NKAIN3: variants seen among roughly 807,000 people sequenced by gnomAD.
NKAIN3 encodes sodium/potassium transporting ATPase interacting 3, also known as sodium/potassium-transporting ATPase subunit beta-1-interacting protein 3.
A neutral mutation model predicts 30.2 loss-of-function variants in NKAIN3; 25 were observed. The observed-to-expected ratio is 0.83, with a 90% confidence interval of 0.60 to 1.16. The LOEUF (loss-of-function observed/expected upper bound fraction) is 1.16, where lower values mean the gene tolerates loss of function less well. Among genes scored for constraint, NKAIN3 ranks in the 50% most tolerant of loss-of-function variants. The pLI is 0.00. For missense variants in NKAIN3, 225 were observed against 254.1 expected (o/e 0.89, Z 0.78); for synonymous variants, 91 against 89.6 (o/e 1.02, Z -0.09).
chr8:62,540,417 A>G (rs1486585804), intron 1 of NKAIN3, among the ~76,000 whole-genome samples: 1 of 152,224 alleles, frequency 6.6e-6, no homozygotes, highest in African/African-American at 2.4e-5. Context: ...TTACATAACT[A>G]TGTAAGAACT....
At chr8:62,873,205 A>G (rs1586296238) in intron 4 of NKAIN3, among the ~76,000 whole-genome samples, 1 of 152,278 alleles carries the variant, frequency 6.6e-6, no homozygotes, top group Non-Finnish European at 1.5e-5. Context: ...CTGACAAAAC[A>G]GACTTTAAAT....
At chr8:62,500,508 GGAAA>G (rs1359354696) in intron 1 of NKAIN3, among the ~76,000 whole-genome samples, 108 of 147,320 alleles carry the variant, frequency 7.3e-4, no homozygotes, top group African/African-American at 2.4e-3. Context: ...AAAGAAAGAA[GGAAA>G]GAAAGAAAGA....
chr8:62,778,694 C>T (rs1462478628), intron 4 of NKAIN3, among the ~76,000 whole-genome samples: 2 of 151,950 alleles, frequency 1.3e-5, no homozygotes, highest in Non-Finnish European at 2.9e-5. Flanking sequence ...CCACTTTTTG[C>T]TTTATTCCAC....
At chr8:62,855,520 T>G (rs1246176291) in intron 4 of NKAIN3, 9 of 1,435,368 alleles carry the variant, frequency 6.3e-6, no homozygotes, top group Non-Finnish European at 8.8e-6. Context: ...TGTAATCTGG[T>G]GGGTAAACAA....
chr8:62,922,392 G>A (rs911713679), intron 5 of NKAIN3, among the ~76,000 whole-genome samples: 44 of 152,022 alleles, frequency 2.9e-4, no homozygotes, highest in Non-Finnish European at 5.4e-4. Flanking sequence ...TGAAAGAAGC[G>A]AATGTGGTAG....
chr8:62,548,455 A>C (rs1699021863), intron 1 of NKAIN3, among the ~76,000 whole-genome samples: 1 of 152,208 alleles, frequency 6.6e-6, no homozygotes, highest in Middle Eastern at 3.4e-3. Flanking sequence ...TTACAGAGCC[A>C]CGGCTCCCCC....
At chr8:62,823,469 T>C (rs1017437142) in intron 4 of NKAIN3, among the ~76,000 whole-genome samples, 2 of 152,174 alleles carry the variant, frequency 1.3e-5, no homozygotes, top group Non-Finnish European at 2.9e-5. Context: ...TGAAGACTGA[T>C]AGCAAAGTCA....
chr8:62,353,876 C>T (rs1816262462), intron 1 of NKAIN3, among the ~76,000 whole-genome samples: 1 of 152,114 alleles, frequency 6.6e-6, no homozygotes, highest in Non-Finnish European at 1.5e-5. Context: ...TAAGATTTCA[C>T]AGGCATGATG....
intron 3 of NKAIN3, among the ~76,000 whole-genome samples, chr8:62,646,092 A>C (rs75841736): frequency 0.041 from 6,247 of 151,206 alleles, 217 homozygotes; most frequent in African/African-American, 0.093. Context: ...ATTATATATC[A>C]TAGATGCAAT....
chr8:62,557,714 G>C (rs1195680986), intron 1 of NKAIN3, among the ~76,000 whole-genome samples: 2 of 151,830 alleles, frequency 1.3e-5, no homozygotes, highest in African/African-American at 4.8e-5. Context: ...TCTTTTGTGG[G>C]TTGTCTATTC....
chr8:62,310,508 A>G (rs1477758849), intron 1 of NKAIN3, among the ~76,000 whole-genome samples: 1 of 150,628 alleles, frequency 6.6e-6, no homozygotes, highest in Non-Finnish European at 1.5e-5. Context: ...ACTTTCCTTA[A>G]CGTAAATGTT....
chr8:62,766,262 T>C (rs1816835709), intron 4 of NKAIN3, among the ~76,000 whole-genome samples: 1 of 152,208 alleles, frequency 6.6e-6, no homozygotes. Flanking sequence ...CTTTATTAAC[T>C]CATTTGATGT....
intron 4 of NKAIN3, among the ~76,000 whole-genome samples, chr8:62,898,022 C>T (rs1408615913): frequency 6.6e-6 from 1 of 152,182 alleles, no homozygotes. Flanking sequence ...CAAGCCAAGA[C>T]ACATGCACCT....
chr8:62,770,167 G>A (rs1304862249), intron 4 of NKAIN3, among the ~76,000 whole-genome samples: 1 of 152,176 alleles, frequency 6.6e-6, no homozygotes, highest in Non-Finnish European at 1.5e-5. Context: ...AAACTAAGGG[G>A]CCCAAGCTCT....
At chr8:62,290,512 C>T (rs61482537) in intron 1 of NKAIN3, among the ~76,000 whole-genome samples, 4,130 of 152,112 alleles carry the variant, frequency 0.027, 171 homozygotes, top group African/African-American at 0.092. Context: ...ATGTTTTTGT[C>T]TTTGGTTCTG....
intron 3 of NKAIN3, among the ~76,000 whole-genome samples, chr8:62,620,130 A>G (rs932178858): frequency 6.6e-6 from 1 of 152,134 alleles, no homozygotes; most frequent in Non-Finnish European, 1.5e-5. Flanking sequence ...AAAGTCATAA[A>G]AGAATATGAT....
intron 1 of NKAIN3, among the ~76,000 whole-genome samples, chr8:62,340,633 T>C (rs73684908): frequency 0.039 from 5,949 of 151,924 alleles, 423 homozygotes; most frequent in African/African-American, 0.14. Context: ...CAGGTTTGGA[T>C]GTGATAGTGG....
At chr8:62,844,814 A>G (rs567789409) in intron 4 of NKAIN3, among the ~76,000 whole-genome samples, 2 of 152,256 alleles carry the variant, frequency 1.3e-5, no homozygotes, top group Non-Finnish European at 2.9e-5. Context: ...TTGGGCTCCC[A>G]TAAATGCACT....
At chr8:62,529,079 T>TGAAAA (rs1344462095) in intron 1 of NKAIN3, among the ~76,000 whole-genome samples, 48 of 152,138 alleles carry the variant, frequency 3.2e-4, no homozygotes, top group Non-Finnish European at 1.0e-4. Context: ...TTATCATCCA[T>TGAAAA]AGCAGATGAG....
Sources: gnomAD v4.1 joint callset for allele counts (sites outside exome capture counted in the v4.1 genomes callset) on GRCh38, gnomAD v4.1.1 for gene constraint, MANE v1.5 for transcripts, NCBI Gene and HGNC (gene_info 2026-07-23, HGNC 2026-07-21) for gene names.